The following LRMDA variants were observed in gnomAD, a reference collection of about 807,000 sequenced individuals.
The protein encoded by LRMDA is leucine rich melanocyte differentiation associated, also known as leucine-rich melanocyte differentiation-associated protein.
LRMDA carries 18 observed loss-of-function variants against 29.8 expected under a neutral mutation model. The ratio of observed to expected loss-of-function variants is 0.60; its 90% CI spans 0.42 to 0.90. The LOEUF is 0.90. Among genes scored for constraint, LRMDA ranks in the 40% least tolerant of loss-of-function variants. The probability of loss-of-function intolerance (pLI) is 0.00; values close to 1 mark genes in which losing one functional copy is unlikely to be tolerated. For missense variants in LRMDA, 273 were observed against 273.9 expected (o/e 1.00, Z 0.02); for synonymous variants, 125 against 109.4 (o/e 1.14, Z -0.89).
intron 5 of LRMDA, among the ~76,000 whole-genome samples, chr10:76,316,333 G>T (rs571761365): frequency 3.9e-5 from 6 of 152,058 alleles, no homozygotes; most frequent in African/African-American, 1.4e-4. Flanking sequence ...TGGAGCCAGC[G>T]CCTATACTGG....
intron 3 of LRMDA, among the ~76,000 whole-genome samples, chr10:76,044,435 CTTTGT>C (rs1353098810): frequency 8.5e-6 from 1 of 118,042 alleles, no homozygotes; most frequent in Admixed American, 8.6e-5. Flanking sequence ...AGACTTTTTT[CTTTGT>C]TTTTTTTTTT....
chr10:75,846,551 T>C (rs1844640890), intron 2 of LRMDA, among the ~76,000 whole-genome samples: 1 of 152,208 alleles, frequency 6.6e-6, no homozygotes, highest in South Asian at 2.1e-4. Context: ...GCCTTAATTC[T>C]CCTAACATTG....
In LRMDA at chr10:76,240,372, TCCCGCAAGAAGGG is replaced by T. The variant is rs898791062; in HGVS notation, c.517-84026_517-84014del. 8.0e-5 allele frequency among the ~76,000 whole-genome samples: 12 copies of T among 149,834 alleles called. No homozygotes were observed. The South Asian group carries it at 1.5e-3, about 18-fold the overall frequency. On this transcript the variant is annotated intron_variant, in intron 5 of 6. Transcript: ENST00000611255. ...CATATGTTCTCATTCACCACCTTAC[TCCCGCAAGAAGGG>T]CCATAATAATAAATATATGTAATAT... is the stretch of plus-strand genomic sequence containing the variant.
chr10:76,210,376 C>A (rs1851614282), intron 5 of LRMDA, among the ~76,000 whole-genome samples: 1 of 152,148 alleles, frequency 6.6e-6, no homozygotes, highest in Admixed American at 6.5e-5. Context: ...ATACATAATT[C>A]AGCAGTTTAC....
At chr10:75,848,576 T>A (rs72811430) in intron 2 of LRMDA, among the ~76,000 whole-genome samples, 1 of 152,118 alleles carries the variant, frequency 6.6e-6, no homozygotes, top group Non-Finnish European at 1.5e-5. Flanking sequence ...CCTGCCTCCT[T>A]CTTCCTGGGT....
At chr10:76,361,684 A>T (rs144848073) in intron 6 of LRMDA, among the ~76,000 whole-genome samples, 53 of 152,342 alleles carry the variant, frequency 3.5e-4, no homozygotes, top group African/African-American at 1.3e-3. Context: ...AAATCCTCAC[A>T]CTGAGCAAAT....
chr10:76,455,041 A>C (rs1179540016), intron 6 of LRMDA, among the ~76,000 whole-genome samples: 1 of 152,186 alleles, frequency 6.6e-6, no homozygotes, highest in African/African-American at 2.4e-5. Context: ...AGAGGCCATT[A>C]AAGGTCATGT....
chr10:76,250,322 C>A (rs1852454169), intron 5 of LRMDA, among the ~76,000 whole-genome samples: 1 of 152,158 alleles, frequency 6.6e-6, no homozygotes, highest in Admixed American at 6.5e-5. Context: ...AGACTCTACT[C>A]ATTTAAGGTG....
rs141763019 is a variant in LRMDA, at chr10:75,785,226, C to G, written c.132-250782C>G. ...GCTTTGTGCTCCTCTCCTTTCCTGT[C>G]TTCTGAATTTATGCTATTTTGAACT... On this transcript the variant is annotated intron_variant, in intron 2 of 6. Transcript: ENST00000611255. Among the ~76,000 whole-genome samples the G allele has an allele frequency of 3.9e-4, 59 of 152,304 alleles. No individual in the cohort carries two copies. In the East Asian group the frequency reaches 6.0e-3, roughly 15 times the overall value.
In LRMDA at chr10:76,213,490, TTAAACA is replaced by T. The variant is rs1382674264; in HGVS notation, c.517-110909_517-110904del. On this transcript the variant is annotated intron_variant, in intron 5 of 6. Transcript: ENST00000611255. ...GCACAGTTATAGACTTGGTGGTTAA[TTAAACA>T]TCTTTTCTAATCAAATTAGCTTTCA... Among the ~76,000 whole-genome samples, 137 of 152,376 alleles carry T rather than the reference TTAAACA, an allele frequency of 9.0e-4. 1 individual carries two copies. Among genetic ancestry groups the T allele is most frequent in the African/African-American group, 2.9e-3 (121 of 41,592 alleles).
At chr10:75,916,944 G>C (rs572624441) in intron 2 of LRMDA, among the ~76,000 whole-genome samples, 1 of 152,310 alleles carries the variant, frequency 6.6e-6, no homozygotes, top group South Asian at 2.1e-4. Flanking sequence ...AGCGTTGGCT[G>C]TATTTTGAAG....
intron 2 of LRMDA, among the ~76,000 whole-genome samples, chr10:75,730,778 C>T (rs547891289): frequency 2.6e-4 from 39 of 151,970 alleles, no homozygotes; most frequent in Non-Finnish European, 4.3e-4. Flanking sequence ...TTATATGGAT[C>T]TTAAGCCTTG....
At chr10:75,877,293 G>C (rs1845214006) in intron 2 of LRMDA, among the ~76,000 whole-genome samples, 1 of 152,234 alleles carries the variant, frequency 6.6e-6, no homozygotes, top group Non-Finnish European at 1.5e-5. Context: ...CCTCTGCCAT[G>C]AGTTGGCCTC....
At chr10:75,529,181 C>T (rs1342138570) in intron 2 of LRMDA, among the ~76,000 whole-genome samples, 6 of 152,150 alleles carry the variant, frequency 3.9e-5, no homozygotes, top group Admixed American at 3.9e-4. Flanking sequence ...AGACTCACAC[C>T]ACCTCACATG....
intron 5 of LRMDA, among the ~76,000 whole-genome samples, chr10:76,105,213 A>C (rs2132107053): frequency 6.6e-6 from 1 of 152,294 alleles, no homozygotes; most frequent in South Asian, 2.1e-4. Context: ...TGACATAAAT[A>C]TTATGCTTAA....
chr10:75,896,301 T>C (rs1845580654), intron 2 of LRMDA, among the ~76,000 whole-genome samples: 1 of 152,218 alleles, frequency 6.6e-6, no homozygotes, highest in South Asian at 2.1e-4. Flanking sequence ...ATTTCTCATC[T>C]GAAAGCAAGG....
At chr10:75,928,109 T>G (rs913785732) in intron 2 of LRMDA, among the ~76,000 whole-genome samples, 3 of 152,038 alleles carry the variant, frequency 2.0e-5, no homozygotes, top group Non-Finnish European at 4.4e-5. Flanking sequence ...ATAGAGAATG[T>G]CAGAGCTTTG....
intron 6 of LRMDA, among the ~76,000 whole-genome samples, chr10:76,463,177 G>A (rs185674543): frequency 1.3e-5 from 2 of 152,206 alleles, no homozygotes; most frequent in Admixed American, 6.5e-5. Context: ...AGGCAGTCCC[G>A]TGGAAGAGCT....
intron 5 of LRMDA, among the ~76,000 whole-genome samples, chr10:76,084,377 T>A (rs1849100399): frequency 7.4e-6 from 1 of 135,286 alleles, no homozygotes; most frequent in Non-Finnish European, 1.6e-5. Flanking sequence ...TTTTTTTTTT[T>A]TTTTTTTTTT....
Sources: gnomAD v4.1 joint callset for allele counts (sites outside exome capture counted in the v4.1 genomes callset) on GRCh38, gnomAD v4.1.1 for gene constraint, MANE v1.5 for transcripts, NCBI Gene and HGNC (gene_info 2026-07-23, HGNC 2026-07-21) for gene names.